The following ASIC2 variants were observed in gnomAD, a reference collection of about 807,000 sequenced individuals.
The protein encoded by ASIC2 is acid-sensing ion channel 2.
A neutral mutation model predicts 57.3 loss-of-function variants in ASIC2; 25 were observed. That is an observed-to-expected ratio of 0.44 (90% CI 0.32 to 0.61). The LOEUF (loss-of-function observed/expected upper bound fraction) is 0.61, where lower values mean the gene tolerates loss of function less well. Among genes scored for constraint, ASIC2 ranks in the 20% least tolerant of loss-of-function variants. ASIC2 has a pLI of 0.06. For synonymous variants in ASIC2, 319 were observed against 307.5 expected, an observed-to-expected ratio of 1.04 and a Z score of -0.39; for missense variants, 641 against 738.1, an observed-to-expected ratio of 0.87 and a Z score of 1.52.
At position 34,023,565 on chromosome 17, in the gene ASIC2, C is replaced by T. The variant is rs182003432; in HGVS notation, c.555+132413G>A. Among the ~76,000 whole-genome samples, 15 of 152,258 alleles carry T rather than the reference C, an allele frequency of 9.9e-5. No individual in the cohort carries two copies. In the East Asian group the frequency reaches 2.9e-3, roughly 29 times the overall value. On this transcript the variant is annotated intron_variant, in intron 1 of 9. Transcript: ENST00000359872. ...TTGCTTTGTCCATGAGAGCCCCTCC[C>T]TCATGATGGAACTAAGGCCCTCGTA...
chr17:34,040,246 G>T (rs1344754719), intron 1 of ASIC2, among the ~76,000 whole-genome samples: 1 of 148,198 alleles, frequency 6.7e-6, no homozygotes, highest in African/African-American at 2.5e-5. Flanking sequence ...ACTCGGGTGC[G>T]GCGCGGAGGG....
chr17:33,479,782 C>T (rs143427179), intron 1 of ASIC2, among the ~76,000 whole-genome samples: 7 of 152,342 alleles, frequency 4.6e-5, no homozygotes, highest in Non-Finnish European at 1.0e-4. Flanking sequence ...CTCTCCTAAG[C>T]TTTCATCTGA....
chr17:33,342,305 C>T (rs534747178), intron 1 of ASIC2, among the ~76,000 whole-genome samples: 4 of 148,342 alleles, frequency 2.7e-5, no homozygotes, highest in African/African-American at 1.0e-4. Context: ...TGTGGAGAGT[C>T]GAGTGTGTGT....
intron 2 of ASIC2, among the ~76,000 whole-genome samples, chr17:33,096,674 G>C (rs965200109): frequency 6.6e-6 from 1 of 152,210 alleles, no homozygotes; most frequent in African/African-American, 2.4e-5. Context: ...GATGGAAAGT[G>C]CTAGGAGAAG....
chr17:34,072,570 T>A (rs1345268725), intron 1 of ASIC2, among the ~76,000 whole-genome samples: 1 of 152,102 alleles, frequency 6.6e-6, no homozygotes, highest in South Asian at 2.1e-4. Flanking sequence ...ACTAATAAAA[T>A]AACAAAATGA....
At chr17:33,267,808 A>C (rs1161199128) in intron 1 of ASIC2, among the ~76,000 whole-genome samples, 3 of 152,152 alleles carry the variant, frequency 2.0e-5, no homozygotes, top group Non-Finnish European at 2.9e-5. Context: ...TGAGTAGCAC[A>C]TGAGGGAGGT....
intron 1 of ASIC2, among the ~76,000 whole-genome samples, chr17:33,784,211 T>A (rs1294738126): frequency 6.6e-6 from 1 of 152,226 alleles, no homozygotes; most frequent in Admixed American, 6.5e-5. Context: ...GTCCTGTTTT[T>A]TCATCTGAAA....
At chr17:33,596,119 C>CA (rs1904970534) in intron 1 of ASIC2, among the ~76,000 whole-genome samples, 1 of 152,076 alleles carries the variant, frequency 6.6e-6, no homozygotes, top group Admixed American at 6.5e-5. Context: ...TAGACCCACC[C>CA]GCCAAATCTT....
chr17:33,690,783 T>A (rs1479266809), intron 1 of ASIC2, among the ~76,000 whole-genome samples: 1 of 139,510 alleles, frequency 7.2e-6, no homozygotes, highest in Non-Finnish European at 1.5e-5. Context: ...GGAGTCTTGC[T>A]CTGTCACCCA....
chr17:33,483,511 G>A (rs1306756384), intron 1 of ASIC2, among the ~76,000 whole-genome samples: 2 of 152,202 alleles, frequency 1.3e-5, no homozygotes, highest in Non-Finnish European at 1.5e-5. Context: ...GTGGAGCGAG[G>A]TTTCTCCCCA....
chr17:33,635,674 C>T (rs1567675672), intron 1 of ASIC2, among the ~76,000 whole-genome samples: 1 of 152,214 alleles, frequency 6.6e-6, no homozygotes, highest in African/African-American at 2.4e-5. Flanking sequence ...TTTTTAGCGT[C>T]TCTCTGTATA....
intron 1 of ASIC2, among the ~76,000 whole-genome samples, chr17:33,861,197 A>G (rs1482461110): frequency 1.3e-5 from 2 of 152,262 alleles, no homozygotes; most frequent in Admixed American, 6.5e-5. Context: ...TTCAATAATA[A>G]AGGAGCATAT....
intron 1 of ASIC2, chr17:34,069,698 G>A (rs1396333092): frequency 6.6e-6 from 1 of 152,258 alleles, no homozygotes; most frequent in Non-Finnish European, 1.5e-5. Context: ...CATGTTAACA[G>A]GCCTAATCAA....
At chr17:33,917,795 A>G (rs1296651918) in intron 1 of ASIC2, among the ~76,000 whole-genome samples, 1 of 152,128 alleles carries the variant, frequency 6.6e-6, no homozygotes, top group African/African-American at 2.4e-5. Context: ...ATTAAAATGA[A>G]TATTATATTT....
chr17:33,635,677 T>G (rs1906335717), intron 1 of ASIC2, among the ~76,000 whole-genome samples: 1 of 152,206 alleles, frequency 6.6e-6, no homozygotes, highest in Non-Finnish European at 1.5e-5. Flanking sequence ...TTAGCGTCTC[T>G]CTGTATAGAG....
At chr17:33,928,317 C>T (rs970150267) in intron 1 of ASIC2, among the ~76,000 whole-genome samples, 8 of 152,140 alleles carry the variant, frequency 5.3e-5, no homozygotes, top group African/African-American at 1.2e-4. Flanking sequence ...TGTCCTGGTA[C>T]GGCAGGGACT....
At chr17:33,130,081 A>G (rs759862512) in intron 1 of ASIC2, among the ~76,000 whole-genome samples, 1 of 152,014 alleles carries the variant, frequency 6.6e-6, no homozygotes, top group Non-Finnish European at 1.5e-5. Flanking sequence ...CCCCTAGTAA[A>G]ACCCCGTGTC....
chr17:33,439,905 G>C (rs947116294), intron 1 of ASIC2, among the ~76,000 whole-genome samples: 1 of 152,214 alleles, frequency 6.6e-6, no homozygotes, highest in African/African-American at 2.4e-5. Context: ...AGATGCGAGC[G>C]TGCATGCAAG....
chr17:33,890,643 T>C (rs1344244888), intron 1 of ASIC2, among the ~76,000 whole-genome samples: 1 of 152,138 alleles, frequency 6.6e-6, no homozygotes, highest in Non-Finnish European at 1.5e-5. Context: ...GTCCATTCTA[T>C]GTAGAGTTGG....
Sources: allele counts gnomAD v4.1 joint callset (sites outside exome capture counted in the v4.1 genomes callset), GRCh38; gene constraint gnomAD v4.1.1; transcripts MANE v1.5; gene names NCBI Gene and HGNC (gene_info 2026-07-23, HGNC 2026-07-21).